The following RNF19A variants were observed in gnomAD, a reference collection of about 807,000 sequenced individuals.
RNF19A encodes the protein ring finger protein 19A, RBR E3 ubiquitin protein ligase.
RNF19A carries 32 observed loss-of-function variants against 75.7 expected under a neutral mutation model. The observed-to-expected ratio is 0.42, with a 90% CI of 0.32 to 0.57. RNF19A has a LOEUF of 0.57. Ranked by LOEUF, RNF19A falls within the 20% of genes least tolerant of loss-of-function variation. The pLI, the probability that RNF19A is intolerant of heterozygous loss-of-function variation, is 0.10. For synonymous variants in RNF19A, 335 were observed against 345.2 expected (o/e 0.97, Z 0.33); for missense variants, 782 against 1,036.3 (o/e 0.75, Z 3.37).
chr8:100,258,468 G>C lies in RNF19A; in HGVS notation c.*88C>G. 9.2e-7 allele frequency: 1 copy of C among 1,086,564 alleles called. No homozygotes were observed. Among genetic ancestry groups the C allele is most frequent in the Non-Finnish European group, 1.3e-6 (1 of 746,926 alleles). The allele number at this position is 1,086,564 out of a possible 1,614,324, so 67.3% of individuals were successfully genotyped here. ...ATGATAATGAAACCCGGCTTTTGCTGGTAACCTGAAACTTAAGTAGTCACA... is the reference window on the plus strand; with the variant it reads ...ATGATAATGAAACCCGGCTTTTGCTCGTAACCTGAAACTTAAGTAGTCACA... On this transcript the variant is annotated 3_prime_UTR_variant, in exon 10 of 10. Transcript: ENST00000341084. This position sits in a 1 kb window ranked among gnomAD's most constrained non-coding sequence, Gnocchi z 4.3.
Position 100,300,067 on chromosome 8 carries a change from A to T in RNF19A, c.-94+9800T>A, listed in dbSNP as rs185095663. On this transcript the variant is annotated intron_variant, in intron 1 of 9. Coordinates refer to ENST00000341084, the MANE Select transcript of RNF19A (RefSeq NM_183419.4). The stretch of plus-strand genomic sequence containing the variant: ...AACTTAGTTTTAAAATTTTCTTCAA[A>T]CTATAAGGTAATTCTCAGATGGAAT... 2.6e-5 allele frequency among the ~76,000 whole-genome samples: 4 copies of T among 152,276 alleles called. No individual in the cohort carries two copies. In the East Asian group the frequency reaches 7.7e-4, roughly 29 times the overall value.
intron 1 of RNF19A, among the ~76,000 whole-genome samples, chr8:100,294,056 T>C (rs139381790): frequency 3.3e-4 from 50 of 152,368 alleles, no homozygotes; most frequent in African/African-American, 1.1e-3. Context: ...GTCTGTCTGC[T>C]AATTCTGCTA....
At chr8:100,309,182 C>A (rs1378121079) in intron 1 of RNF19A, 2 of 380,758 alleles carry the variant, frequency 5.3e-6, no homozygotes, top group Non-Finnish European at 7.2e-6. Flanking sequence ...AGGCTTAGCA[C>A]GGGGAGACAA....
At position 100,288,031 on chromosome 8, in the gene RNF19A, A is replaced by G; in HGVS notation, c.144T>C (p.Ala48=). The G allele has an allele frequency of 6.2e-7, 1 of 1,614,210 alleles. No homozygotes were observed. The part of the protein sequence containing the change: ...MGSDRDLQSS[A]SSVSLPSVKK... ...TGACTGAAGGCAAGCTCACAGATGAAGCAGAGGACTGAAGATCTCGATCTG... is the reference window on the plus strand; with the variant it reads ...TGACTGAAGGCAAGCTCACAGATGAGGCAGAGGACTGAAGATCTCGATCTG... The change falls in exon 2 of 10, where the codon GCT becomes GCC. Residue 48 remains alanine, a synonymous_variant. Transcript: ENST00000341084.
At chr8:100,262,205 G>T (rs1302426225) in intron 7 of RNF19A, among the ~76,000 whole-genome samples, 1 of 152,148 alleles carries the variant, frequency 6.6e-6, no homozygotes, top group East Asian at 1.9e-4. Flanking sequence ...GTATTAAGGA[G>T]TCACTTATTT....
intron 3 of RNF19A, among the ~76,000 whole-genome samples, chr8:100,273,717 C>T (rs1042908074): frequency 6.6e-6 from 1 of 152,148 alleles, no homozygotes; most frequent in Non-Finnish European, 1.5e-5. Flanking sequence ...AAAGCACTTA[C>T]TATGAGCCAG....
chr8:100,309,360 C>A, intron 1 of RNF19A: 1 of 985,840 alleles, frequency 1.0e-6, no homozygotes, highest in Non-Finnish European at 1.2e-6. Flanking sequence ...GGGCGATGTC[C>A]CGGCTCCAAA....
chr8:100,287,763 G>GC lies in RNF19A; in HGVS notation c.411dup (p.Arg138AlafsTer4). Reference sequence around the variant, plus strand: ...TCAGGAAATCTGTCTTTAGAATGCCGCAAAAGGCACAAAGGGCACTCTATG... The same window carrying GC: ...TCAGGAAATCTGTCTTTAGAATGCCGCCAAAAGGCACAAAGGGCACTCTATG... On this transcript the variant is annotated frameshift_variant, in exon 2 of 10. Coordinates refer to ENST00000341084, the MANE Select transcript of RNF19A (RefSeq NM_183419.4). LOFTEE classifies it high-confidence loss of function. This position sits in a 1 kb window ranked among gnomAD's most constrained non-coding sequence, Gnocchi z 4.1. 6.2e-7 allele frequency: 1 copy of GC among 1,614,060 alleles called. No individual in the cohort carries two copies. Among genetic ancestry groups the GC allele is most frequent in the Non-Finnish European group, 8.5e-7 (1 of 1,179,996 alleles).
At chr8:100,282,691 T>C (rs1207028644) in intron 2 of RNF19A, among the ~76,000 whole-genome samples, 3 of 152,192 alleles carry the variant, frequency 2.0e-5, no homozygotes, top group Non-Finnish European at 4.4e-5. Flanking sequence ...CTCTGCAAAA[T>C]TTGTAAAAGG....
At chr8:100,292,757 T>C (rs975309323) in intron 1 of RNF19A, among the ~76,000 whole-genome samples, 1 of 152,200 alleles carries the variant, frequency 6.6e-6, no homozygotes, top group East Asian at 1.9e-4. Flanking sequence ...ACCCCCTACA[T>C]ACATACTGAT....
At chr8:100,326,993 C>G (rs1323732200) in intron 1 of RNF19A, among the ~76,000 whole-genome samples, 1 of 152,198 alleles carries the variant, frequency 6.6e-6, no homozygotes, top group Admixed American at 6.5e-5. Context: ...TCTAAACGTT[C>G]TGATTAACAG....
intron 3 of RNF19A, among the ~76,000 whole-genome samples, chr8:100,273,023 G>A (rs1405546098): frequency 7.9e-5 from 12 of 151,972 alleles, no homozygotes; most frequent in Admixed American, 2.6e-4. Flanking sequence ...CCATCACCAC[G>A]CCCGGCTAAT....
At chr8:100,283,622 G>C (rs900651461) in intron 2 of RNF19A, among the ~76,000 whole-genome samples, 14 of 152,128 alleles carry the variant, frequency 9.2e-5, no homozygotes, top group Non-Finnish European at 1.3e-4. Flanking sequence ...ATGGAAACCA[G>C]GTCAGGTAGA....
intron 3 of RNF19A, among the ~76,000 whole-genome samples, chr8:100,270,827 G>GTAT (rs1473540231): frequency 1.3e-5 from 2 of 152,048 alleles, no homozygotes; most frequent in African/African-American, 4.8e-5. Context: ...TATGCTCCTT[G>GTAT]TATAATAATA....
At chr8:100,279,388 T>A (rs1820676831) in intron 2 of RNF19A, among the ~76,000 whole-genome samples, 1 of 152,104 alleles carries the variant, frequency 6.6e-6, no homozygotes, top group Non-Finnish European at 1.5e-5. Flanking sequence ...TTGTTTTGTT[T>A]TTTTAAGCAG....
intron 1 of RNF19A, among the ~76,000 whole-genome samples, chr8:100,318,406 C>G (rs1660312): frequency 0.32 from 49,221 of 152,044 alleles, 8,647 homozygotes; most frequent in East Asian, 0.41. Context: ...GAATTTTTCT[C>G]GTGCTATATT....
At chr8:100,316,335 A>G (rs906562204) in intron 1 of RNF19A, among the ~76,000 whole-genome samples, 6 of 152,090 alleles carry the variant, frequency 3.9e-5, no homozygotes, top group Admixed American at 3.3e-4. Flanking sequence ...AAGCTTCCAC[A>G]GTGTGGAAGG....
At position 100,259,181 on chromosome 8, in the gene RNF19A, C is replaced by T; in HGVS notation, c.1892G>A (p.Ser631Asn). Residue 631 changes from serine (S) to asparagine (N), a missense_variant, in exon 10 of 10, where the codon AGT becomes AAT. Physicochemically the swap from Ser to Asn is conservative, Grantham distance 46. Around this residue, in one of 7 missense-constraint regions of RNF19A, gnomAD observed 442 missense variants for 541.6 expected, o/e 0.82. Transcript: ENST00000341084. The surrounding 1 kb of genome is among the most constrained non-coding windows in gnomAD (Gnocchi z 4.5). ...ESKPSKFRHN[S>N]GSSSVDDGSA... is the part of the protein sequence containing the mutation. Reference sequence around the variant, plus strand: ...GCCATCATCCACACTACTGCTTCCACTGTTGTGCCTGAATTTGGATGGCTT... The same window carrying T: ...GCCATCATCCACACTACTGCTTCCATTGTTGTGCCTGAATTTGGATGGCTT... 1 of 1,614,078 alleles carries T rather than the reference C, an allele frequency of 6.2e-7. No individual in the cohort carries two copies. The highest frequency in any genetic ancestry group is 8.5e-7 in the Non-Finnish European group (1 of 1,180,014).
chr8:100,280,043 T>A (rs533398490), intron 2 of RNF19A, among the ~76,000 whole-genome samples: 2 of 152,304 alleles, frequency 1.3e-5, no homozygotes, highest in African/African-American at 4.8e-5. Context: ...ATACTCCCTA[T>A]GATTACTTAT....
Sources: allele counts gnomAD v4.1 joint callset (sites outside exome capture counted in the v4.1 genomes callset), GRCh38; gene constraint gnomAD v4.1.1; regional missense constraint gnomAD v4.1.1; non-coding constraint Gnocchi (gnomAD v3.1); transcripts MANE v1.5; gene names NCBI Gene and HGNC (gene_info 2026-07-23, HGNC 2026-07-21).